ZNF804B: variants seen among roughly 807,000 people sequenced by gnomAD.
The protein encoded by ZNF804B is zinc finger 804B.
ZNF804B carries 80 observed loss-of-function variants against 101.4 expected under a neutral mutation model. The ratio of observed to expected loss-of-function variants is 0.79; its 90% CI spans 0.66 to 0.95. The LOEUF is 0.95. Among genes scored for constraint, ZNF804B ranks in the 40% least tolerant of loss-of-function variants. The pLI is 0.00. For missense variants in ZNF804B, 1,673 were observed against 1,561.9 expected, an observed-to-expected ratio of 1.07 and a Z score of -1.20; for synonymous variants, 622 against 558.8, an observed-to-expected ratio of 1.11 and a Z score of -1.59.
At chr7:89,065,889 G>C (rs1015239113) in intron 1 of ZNF804B, among the ~76,000 whole-genome samples, 3 of 152,034 alleles carry the variant, frequency 2.0e-5, no homozygotes, top group Non-Finnish European at 2.9e-5. Context: ...TGATAACCCA[G>C]GATAATCTTC....
At chr7:88,775,465 A>G (rs1352477075) in intron 1 of ZNF804B, among the ~76,000 whole-genome samples, 4 of 152,250 alleles carry the variant, frequency 2.6e-5, no homozygotes, top group African/African-American at 9.6e-5. Context: ...CTACAGAACT[A>G]AACGTGATCA....
intron 1 of ZNF804B, among the ~76,000 whole-genome samples, chr7:89,155,454 T>C (rs549410243): frequency 2.0e-5 from 3 of 152,178 alleles, no homozygotes; most frequent in Non-Finnish European, 4.4e-5. Context: ...ACCTGGATAA[T>C]TGCAATGGAC....
chr7:88,815,128 G>A (rs1395247444), intron 1 of ZNF804B, among the ~76,000 whole-genome samples: 1 of 146,828 alleles, frequency 6.8e-6, no homozygotes, highest in Non-Finnish European at 1.5e-5. Flanking sequence ...TGTATGTATG[G>A]CATAGATAAA....
chr7:88,795,124 A>G, intron 1 of ZNF804B: 1 of 476,242 alleles, frequency 2.1e-6, no homozygotes, highest in Non-Finnish European at 3.7e-6. Context: ...TGCCAGTTTT[A>G]TCAGGAAACA....
intron 1 of ZNF804B, among the ~76,000 whole-genome samples, chr7:88,948,853 T>C (rs986760894): frequency 1.3e-5 from 2 of 151,974 alleles, no homozygotes; most frequent in Non-Finnish European, 2.9e-5. Context: ...AGGTTTGTGC[T>C]TTTTGAGTCC....
Position 88,760,101 on chromosome 7 carries a change from C to T in ZNF804B, c.108+17C>T. 1 of 1,595,720 alleles carries T rather than the reference C, an allele frequency of 6.3e-7. No individual in the cohort carries two copies. Among genetic ancestry groups the T allele is most frequent in the South Asian group, 1.1e-5 (1 of 90,748 alleles). On this transcript the variant is annotated intron_variant, in intron 1 of 3. Transcript: ENST00000333190. ...CCCTCTCCGGTAATGTGCGCGCGCA[C>T]ACACATACATACACAAACGTTCCAA...
chr7:88,988,920 A>C (rs1488772399), intron 1 of ZNF804B, among the ~76,000 whole-genome samples: 1 of 152,150 alleles, frequency 6.6e-6, no homozygotes, highest in Non-Finnish European at 1.5e-5. Context: ...CCAACCTTAA[A>C]TGTATCTTAA....
At chr7:89,046,686 A>G (rs1432679373) in intron 1 of ZNF804B, among the ~76,000 whole-genome samples, 2 of 151,914 alleles carry the variant, frequency 1.3e-5, no homozygotes, top group African/African-American at 4.8e-5. Context: ...TTTGATTTTG[A>G]TTTTCCTTTT....
intron 1 of ZNF804B, among the ~76,000 whole-genome samples, chr7:88,996,646 C>T (rs1183570035): frequency 6.6e-6 from 1 of 152,106 alleles, no homozygotes; most frequent in Non-Finnish European, 1.5e-5. Context: ...AGTGTTTAAA[C>T]TCTGTGCTAA....
intron 1 of ZNF804B, among the ~76,000 whole-genome samples, chr7:89,056,221 G>A (rs2106287): frequency 0.77 from 117,549 of 151,910 alleles, 45,567 homozygotes; most frequent in African/African-American, 0.79. Flanking sequence ...TAAACACTTG[G>A]TCTCAAAGAT....
chr7:89,027,137 A>G (rs1341661136), intron 1 of ZNF804B, among the ~76,000 whole-genome samples: 1 of 152,122 alleles, frequency 6.6e-6, no homozygotes, highest in Non-Finnish European at 1.5e-5. Flanking sequence ...CAAAGAAAGT[A>G]AAACACTGAC....
chr7:89,305,490 A>T (rs940269001), intron 2 of ZNF804B, among the ~76,000 whole-genome samples: 35 of 152,100 alleles, frequency 2.3e-4, no homozygotes, highest in African/African-American at 7.9e-4. Flanking sequence ...CATAGTGTCC[A>T]TTTCCAAGGT....
chr7:89,126,229 T>C (rs1264241497), intron 1 of ZNF804B, among the ~76,000 whole-genome samples: 1 of 152,024 alleles, frequency 6.6e-6, no homozygotes, highest in East Asian at 1.9e-4. Context: ...GTTTTCTTGA[T>C]GAATATCAAA....
intron 1 of ZNF804B, among the ~76,000 whole-genome samples, chr7:89,112,758 T>G (rs920998363): frequency 3.3e-5 from 5 of 152,118 alleles, no homozygotes; most frequent in African/African-American, 1.2e-4. Context: ...TTATTTTAAG[T>G]AAAGAGTGAA....
At chr7:88,824,790 G>A (rs1434188734) in intron 1 of ZNF804B, among the ~76,000 whole-genome samples, 2 of 152,156 alleles carry the variant, frequency 1.3e-5, no homozygotes, top group Non-Finnish European at 2.9e-5. Flanking sequence ...TTAAAGTTAA[G>A]TTTGTCTTAG....
At chr7:89,188,136 T>A (rs1323208804) in intron 1 of ZNF804B, among the ~76,000 whole-genome samples, 1 of 152,104 alleles carries the variant, frequency 6.6e-6, no homozygotes, top group Non-Finnish European at 1.5e-5. Context: ...ACATGTGCCA[T>A]TCTCCCGACA....
rs1411139838 is a variant in ZNF804B at position 88,822,028 on chromosome 7, T to C, written c.108+61944T>C. Among the ~76,000 whole-genome samples, 9 of 152,204 alleles carry C rather than the reference T, an allele frequency of 5.9e-5. No individual in the cohort carries two copies. In the East Asian group the frequency reaches 1.5e-3, roughly 26 times the overall value. On this transcript the variant is annotated intron_variant, in intron 1 of 3. Coordinates refer to ENST00000333190, the MANE Select transcript of ZNF804B (RefSeq NM_181646.5). The stretch of plus-strand genomic sequence containing the variant: ...AATGTTCTGTATGGTATGGTGCTAG[T>C]ACAAACGGTCATTGACTCCTGTACA...
At chr7:88,992,724 G>T (rs1056136719) in intron 1 of ZNF804B, among the ~76,000 whole-genome samples, 1 of 151,858 alleles carries the variant, frequency 6.6e-6, no homozygotes, top group African/African-American at 2.4e-5. Context: ...TATAATCAAG[G>T]TGTGATATCT....
intron 1 of ZNF804B, among the ~76,000 whole-genome samples, chr7:88,982,910 A>G (rs1467919124): frequency 6.6e-6 from 1 of 152,050 alleles, no homozygotes; most frequent in African/African-American, 2.4e-5. Context: ...AACTCCCAAG[A>G]GAGACAGCTG....
Sources: allele counts gnomAD v4.1 joint callset (sites outside exome capture counted in the v4.1 genomes callset), GRCh38; gene constraint gnomAD v4.1.1; transcripts MANE v1.5; gene names NCBI Gene and HGNC (gene_info 2026-07-23, HGNC 2026-07-21).